The following DNAAF9 variants were observed in gnomAD, a reference collection of about 807,000 sequenced individuals.
The protein encoded by DNAAF9 is dynein axonemal assembly factor 9, also known as shulin.
Under a neutral mutation model 167.0 loss-of-function variants are expected in DNAAF9, and 90 were observed. The ratio of observed to expected loss-of-function variants is 0.54; its 90% confidence interval spans 0.45 to 0.64. The LOEUF (loss-of-function observed/expected upper bound fraction) is 0.64, where lower values mean the gene tolerates loss of function less well. Among genes scored for constraint, DNAAF9 ranks in the 30% least tolerant of loss-of-function variants. DNAAF9 has a pLI of 0.00. For synonymous variants in DNAAF9, 491 were observed against 508.8 expected, an observed-to-expected ratio of 0.96 and a Z score of 0.47; for missense variants, 1,315 against 1,442.2, an observed-to-expected ratio of 0.91 and a Z score of 1.43.
Position 3,382,973 on chromosome 20 carries a change from C to T in DNAAF9, c.84-467G>A, listed in dbSNP as rs80115928. 4.2e-3 allele frequency among the ~76,000 whole-genome samples: 638 copies of T among 152,316 alleles called. 3 individuals are homozygous for T. The highest frequency in any genetic ancestry group is 0.015 in the African/African-American group (606 of 41,574). On this transcript the variant is annotated intron_variant, in intron 1 of 36. Coordinates refer to ENST00000252032, the MANE Select transcript of DNAAF9 (RefSeq NM_001009984.3). ...AACTGGCCTGAGAACCTAAACAAAG[C>T]TCTAATTCATCCTCACAGCTATCCA...
chr20:3,312,234 C>A (rs530857191), intron 20 of DNAAF9, among the ~76,000 whole-genome samples: 3 of 152,016 alleles, frequency 2.0e-5, no homozygotes, highest in Non-Finnish European at 4.4e-5. Context: ...GTGATTCGCC[C>A]GCCTTGGCCT....
intron 30 of DNAAF9, among the ~76,000 whole-genome samples, chr20:3,266,334 C>A (rs77390952): frequency 0.019 from 2,907 of 152,254 alleles, 40 homozygotes; most frequent in Non-Finnish European, 0.029. Context: ...TGGAGTGGTA[C>A]TTTACACAGT....
At chr20:3,316,964 G>A (rs911342383) in intron 17 of DNAAF9, among the ~76,000 whole-genome samples, 171 bp from the exon 18 acceptor site, 14 of 139,252 alleles carry the variant, frequency 1.0e-4, no homozygotes, top group African/African-American at 2.7e-4. Context: ...GCGCCATCTC[G>A]GCTCACTGCA....
intron 21 of DNAAF9, among the ~76,000 whole-genome samples, chr20:3,302,331 T>C (rs6037538): frequency 0.2 from 30,334 of 152,146 alleles, 3,281 homozygotes; most frequent in African/African-American, 0.26. Flanking sequence ...CATTATGTAA[T>C]GATTACATCA....
At chr20:3,304,664 G>A (rs943615774) in intron 20 of DNAAF9, 121 bp from the exon 21 acceptor site, 12 of 622,316 alleles carry the variant, frequency 1.9e-5, no homozygotes, top group African/African-American at 1.1e-4. Flanking sequence ...TACGTTATGC[G>A]ATTTGTATGC....
At chr20:3,352,429 G>A (rs1017071733) in intron 7 of DNAAF9, among the ~76,000 whole-genome samples, 12 of 152,124 alleles carry the variant, frequency 7.9e-5, no homozygotes, top group African/African-American at 2.4e-4. Flanking sequence ...CACTTCTAGC[G>A]CTGCCAACTA....
In DNAAF9 at chr20:3,315,957, G is replaced by C; in HGVS notation, c.1540-172C>G. The C allele has an allele frequency of 1.6e-6, 1 of 637,412 alleles. No homozygotes were observed. Among genetic ancestry groups the C allele is most frequent in the South Asian group, 1.9e-5 (1 of 54,020 alleles). The allele number at this position is 637,412 out of a possible 1,614,324, so 39.5% of individuals were successfully genotyped here. A position where few individuals can be genotyped will look rare whatever the true frequency, so the allele number is the denominator to read the frequency against. On this transcript the variant is annotated intron_variant, in intron 18 of 36. Coordinates refer to ENST00000252032, the MANE Select transcript of DNAAF9 (RefSeq NM_001009984.3). The surrounding 1 kb of genome is among the most constrained non-coding windows in gnomAD (Gnocchi z 4.1). ...ACCTGAGATGTCTGCTGGTCACCTG[G>C]GCTCAGAGCCCAAGGCCTTGGTGGG...
chr20:3,304,734 C>G (rs1478913600), intron 20 of DNAAF9, among the ~76,000 whole-genome samples, 191 bp from the exon 21 acceptor site: 1 of 152,166 alleles, frequency 6.6e-6, no homozygotes, highest in Non-Finnish European at 1.5e-5. Context: ...GGAAATGAGG[C>G]ATCAGATGCA....
At chr20:3,378,773 T>G (rs889710774) in intron 3 of DNAAF9, among the ~76,000 whole-genome samples, 1 of 152,166 alleles carries the variant, frequency 6.6e-6, no homozygotes, top group African/African-American at 2.4e-5. Flanking sequence ...AAACATCTTA[T>G]AAGCCCAATA....
chr20:3,260,600 G>GT (rs1371740238), intron 31 of DNAAF9, among the ~76,000 whole-genome samples: 1 of 88,498 alleles, frequency 1.1e-5, no homozygotes, highest in African/African-American at 5.5e-5. Flanking sequence ...CTGGTACGGT[G>GT]GGGGGCTCTT....
chr20:3,320,984 G>A (rs573545866), intron 16 of DNAAF9, among the ~76,000 whole-genome samples: 2 of 152,258 alleles, frequency 1.3e-5, no homozygotes, highest in Admixed American at 1.3e-4. Flanking sequence ...CTTCACATCA[G>A]GATGTTCTGG....
chr20:3,376,394 A>G, intron 3 of DNAAF9, 92 bp from the exon 4 acceptor site: 2 of 1,022,618 alleles, frequency 2.0e-6, no homozygotes, highest in Non-Finnish European at 2.8e-6. Flanking sequence ...CATTGAAACT[A>G]CTTCAGAGAC....
At chr20:3,265,545 A>G (rs2068474138) in intron 30 of DNAAF9, among the ~76,000 whole-genome samples, 1 of 136,548 alleles carries the variant, frequency 7.3e-6, no homozygotes, top group South Asian at 2.9e-4. Context: ...ACTGCACTCC[A>G]GCCTGGGTGA....
rs1600641404 is a variant in DNAAF9, at chr20:3,251,444, T to A, written c.*1128A>T. ...TAAATATCAGTGGCTGTGACTCCCC[T>A]GTCCCCCACACCAATTATGAAGGTC... On this transcript the variant is annotated 3_prime_UTR_variant, in exon 37 of 37. Transcript: ENST00000252032. The A allele has an allele frequency of 6.6e-6, 1 of 152,244 alleles. No individual in the cohort carries two copies. Among genetic ancestry groups the A allele is most frequent in the Non-Finnish European group, 1.5e-5 (1 of 68,060 alleles). 9.4% of individuals were successfully genotyped at this position (152,244 alleles called of 1,614,324 possible).
chr20:3,361,449 A>G (rs935174909), intron 6 of DNAAF9, among the ~76,000 whole-genome samples: 2 of 152,156 alleles, frequency 1.3e-5, no homozygotes, highest in Non-Finnish European at 2.9e-5. Flanking sequence ...TACTCTAACA[A>G]GCCCCCCAGG....
chr20:3,397,719 T>TG lies in DNAAF9; in HGVS notation c.83+9755dup, dbSNP rs11087582. On this transcript the variant is annotated intron_variant, in intron 1 of 36. Coordinates refer to ENST00000252032, the MANE Select transcript of DNAAF9 (RefSeq NM_001009984.3). ...TGTTAAATTTTAAGCAGATTTTTTTTGGGGGGGGGGAACATCTACCAGTCT... is the reference window on the plus strand; with the variant it reads ...TGTTAAATTTTAAGCAGATTTTTTTTGGGGGGGGGGGAACATCTACCAGTCT... 6.8e-3 allele frequency among the ~76,000 whole-genome samples: 1,003 copies of TG among 147,150 alleles called. 37 individuals carry two copies. The East Asian group carries it at 0.11, about 17-fold the overall frequency.
At chr20:3,279,196 T>G (rs1413584577) in intron 28 of DNAAF9, among the ~76,000 whole-genome samples, 3 of 152,154 alleles carry the variant, frequency 2.0e-5, no homozygotes, top group Non-Finnish European at 4.4e-5. Flanking sequence ...GGAGGGATAC[T>G]GGGGACAGGA....
chr20:3,276,643 C>T (rs1442955470), intron 29 of DNAAF9, among the ~76,000 whole-genome samples: 2 of 152,202 alleles, frequency 1.3e-5, no homozygotes, highest in Non-Finnish European at 2.9e-5. Context: ...GCCAGGGAAG[C>T]CCCACCATCT....
rs555809483 is a variant in DNAAF9 at position 3,374,080 on chromosome 20, C to A, written c.580G>T (p.Gly194Ter). Residue 194 changes from glycine to a stop codon, truncating the protein, a stop_gained, in exon 6 of 37, where the codon GGA becomes TGA. Coordinates refer to ENST00000252032, the MANE Select transcript of DNAAF9 (RefSeq NM_001009984.3). LOFTEE classifies it high-confidence loss of function. ...IVQAFALEGI[G>*]GDGFFTMKYE... is the part of the protein sequence containing the mutation. ...TTCATGGTAAAAAATCCATCCCCTCCAATGCCCTCAAGTGCAAAGGCCTGT... is the reference window on the plus strand; with the variant it reads ...TTCATGGTAAAAAATCCATCCCCTCAAATGCCCTCAAGTGCAAAGGCCTGT... 6.2e-7 allele frequency: 1 copy of A among 1,613,114 alleles called. No homozygotes were observed. The highest frequency in any genetic ancestry group is 1.3e-5 in the African/African-American group (1 of 74,902).
Sources: allele counts gnomAD v4.1 joint callset (sites outside exome capture counted in the v4.1 genomes callset), GRCh38; gene constraint gnomAD v4.1.1; non-coding constraint Gnocchi (gnomAD v3.1); transcripts MANE v1.5; gene names NCBI Gene and HGNC (gene_info 2026-07-23, HGNC 2026-07-21).